The following GMNN variants were observed in gnomAD, a reference collection of about 807,000 sequenced individuals.
The protein encoded by GMNN is geminin DNA replication inhibitor.
Under a neutral mutation model 20.9 loss-of-function variants are expected in GMNN, and 14 were observed. The ratio of observed to expected loss-of-function variants is 0.67; its 90% CI spans 0.44 to 1.05. GMNN has a LOEUF of 1.05. Among genes scored for constraint, GMNN ranks in the 50% least tolerant of loss-of-function variants. The probability of loss-of-function intolerance (pLI) is 0.00; values close to 1 mark genes in which losing one functional copy is unlikely to be tolerated. For missense variants in GMNN, 227 were observed against 243.8 expected, an observed-to-expected ratio of 0.93 and a Z score of 0.46; for synonymous variants, 81 against 85.8, an observed-to-expected ratio of 0.94 and a Z score of 0.31.
At chr6:24,778,030 A>T (rs1173672216) in intron 2 of GMNN, among the ~76,000 whole-genome samples, 3 of 152,090 alleles carry the variant, frequency 2.0e-5, no homozygotes, top group Non-Finnish European at 4.4e-5. Context: ...CCAAGTATTT[A>T]CTCTTATGAC....
chr6:24,785,239 T>A lies in GMNN; in HGVS notation c.469-399T>A, dbSNP rs574427519. ...TGTAACTGAATTGTGACCTTTTACA[T>A]TTGAGATCCATGATAGAATTAATAT... is the stretch of plus-strand genomic sequence containing the variant. On this transcript the variant is annotated intron_variant, in intron 6 of 6. Transcript: ENST00000230056. 2.6e-5 allele frequency among the ~76,000 whole-genome samples: 4 copies of A among 152,290 alleles called. No individual in the cohort carries two copies. The South Asian group carries it at 6.2e-4, about 24-fold the overall frequency.
intron 1 of GMNN, among the ~76,000 whole-genome samples, chr6:24,776,000 C>T (rs951422109): frequency 2.6e-5 from 4 of 152,142 alleles, no homozygotes; most frequent in African/African-American, 9.7e-5. Context: ...AAGAACATTG[C>T]GTAGGGTCTG....
chr6:24,775,894 C>T (rs1780054531), intron 1 of GMNN: 1 of 152,114 alleles, frequency 6.6e-6, no homozygotes, highest in Non-Finnish European at 1.5e-5. Context: ...CAATGTTTCT[C>T]GTCTCTTCAA....
At position 24,777,304 on chromosome 6, in the gene GMNN, G is replaced by C; in HGVS notation, c.51+7G>C. The C allele has an allele frequency of 1.8e-6, 2 of 1,129,822 alleles. No homozygotes were observed. The highest frequency in any genetic ancestry group is 2.5e-6 in the Non-Finnish European group (2 of 784,374). 70.0% of individuals were successfully genotyped at this position (1,129,822 alleles called of 1,614,324 possible). ...AATCAAAGAGAATATAAAGGTATGT[G>C]ATTGAATAACTTTAATTTTTTTTTG... is the stretch of plus-strand genomic sequence containing the variant. On this transcript the variant is annotated splice_region_variant and intron_variant, in intron 2 of 6. Transcript: ENST00000230056.
chr6:24,775,417 C>A (rs992764501), intron 1 of GMNN, 173 bp downstream of exon 1: 1 of 152,284 alleles, frequency 6.6e-6, no homozygotes, highest in Admixed American at 6.5e-5. Context: ...GGCTCGGACG[C>A]GCGGGGCCAC....
chr6:24,780,927 G>T (rs997392523), intron 3 of GMNN, among the ~76,000 whole-genome samples, 187 bp downstream of exon 3: 5 of 152,332 alleles, frequency 3.3e-5, no homozygotes, highest in African/African-American at 1.2e-4. Flanking sequence ...TTCGTCGGGT[G>T]CAGTGGCTCA....
At chr6:24,777,113 G>GA (rs112570309) in intron 1 of GMNN, 109 bp from the exon 2 acceptor site, 5 of 427,066 alleles carry the variant, frequency 1.2e-5, no homozygotes, top group Non-Finnish European at 1.3e-5. Flanking sequence ...GATTAAGAGA[G>GA]AAAAAATAAT....
At chr6:24,776,773 G>T (rs1409927399) in intron 1 of GMNN, 1 of 152,394 alleles carries the variant, frequency 6.6e-6, no homozygotes, top group African/African-American at 2.4e-5. Context: ...GTAAATGCAT[G>T]ATCTCATTTG....
At chr6:24,784,047 A>G (rs1263410959) in intron 4 of GMNN, 40 bp from the exon 5 acceptor site, 1 of 916,240 alleles carries the variant, frequency 1.1e-6, no homozygotes, top group African/African-American at 1.7e-5. Flanking sequence ...GGGTTTTGAC[A>G]GTAATGATTT....
At position 24,784,228 on chromosome 6, in the gene GMNN, AG is replaced by A; in HGVS notation, c.357+60del. 5.4e-6 allele frequency: 5 copies of A among 927,090 alleles called. No homozygotes were observed. In the South Asian group the frequency reaches 6.8e-5, roughly 13 times the overall value. 57.4% of individuals were successfully genotyped at this position (927,090 alleles called of 1,614,324 possible). ...AAATTCCAGGATTGTTTTGCTGCTT[AG>A]CATATTTTATTAGAGCAATATGGGC... On this transcript the variant is annotated intron_variant, in intron 5 of 6. Transcript: ENST00000230056.
chr6:24,782,566 A>G (rs1780246577), intron 4 of GMNN, among the ~76,000 whole-genome samples: 1 of 152,222 alleles, frequency 6.6e-6, no homozygotes, highest in South Asian at 2.1e-4. Context: ...TTATTAGGCA[A>G]AATTAGGAAA....
At chr6:24,785,580 G>T in intron 6 of GMNN, 58 bp from the exon 7 acceptor site, 1 of 836,462 alleles carries the variant, frequency 1.2e-6, no homozygotes, top group Admixed American at 2.5e-5. Flanking sequence ...ATATCAGTAT[G>T]CTGATCAGCT....
chr6:24,782,416 TATGGGTCATTGA>T (rs1312259273), intron 4 of GMNN, among the ~76,000 whole-genome samples: 1 of 152,216 alleles, frequency 6.6e-6, no homozygotes, highest in Non-Finnish European at 1.5e-5. Flanking sequence ...CTGTATGAAT[TATGGGTCATTGA>T]ATGTTAAGTA....
At chr6:24,784,668 T>C in intron 6 of GMNN, 114 bp downstream of exon 6, 1 of 533,056 alleles carries the variant, frequency 1.9e-6, no homozygotes, top group Non-Finnish European at 3.4e-6. Context: ...TTCCTGGATT[T>C]AAGACTTAAC....
chr6:24,782,577 G>A (rs1780246696), intron 4 of GMNN, among the ~76,000 whole-genome samples: 1 of 152,130 alleles, frequency 6.6e-6, no homozygotes, highest in Non-Finnish European at 1.5e-5. Flanking sequence ...AATTAGGAAA[G>A]GTTGACTGGA....
chr6:24,779,620 T>C (rs545461193), intron 2 of GMNN, among the ~76,000 whole-genome samples: 6 of 152,340 alleles, frequency 3.9e-5, no homozygotes, highest in Non-Finnish European at 7.4e-5. Context: ...GGTGAACTCT[T>C]ATCATGTGAA....
At chr6:24,779,839 C>T (rs1305665908) in intron 2 of GMNN, among the ~76,000 whole-genome samples, 1 of 152,192 alleles carries the variant, frequency 6.6e-6, no homozygotes, top group African/African-American at 2.4e-5. Flanking sequence ...AAAACAATAG[C>T]TTGGGCATTT....
intron 4 of GMNN, among the ~76,000 whole-genome samples, chr6:24,783,737 CAG>C (rs1400490561): frequency 1.3e-5 from 2 of 151,746 alleles, no homozygotes; most frequent in African/African-American, 2.4e-5. Context: ...ATCATGGAGA[CAG>C]AAATAAAAAA....
chr6:24,779,188 A>G (rs1481654485), intron 2 of GMNN, among the ~76,000 whole-genome samples: 1 of 152,206 alleles, frequency 6.6e-6, no homozygotes, highest in East Asian at 1.9e-4. Flanking sequence ...AGAGTATTAA[A>G]TAGTTTTCCA....
Sources: gnomAD v4.1 joint callset for allele counts (sites outside exome capture counted in the v4.1 genomes callset) on GRCh38, gnomAD v4.1.1 for gene constraint, MANE v1.5 for transcripts, NCBI Gene and HGNC (gene_info 2026-07-23, HGNC 2026-07-21) for gene names.